The following MAGI2 variants were observed in gnomAD, a reference collection of about 807,000 sequenced individuals.
The protein encoded by MAGI2 is membrane-associated guanylate kinase, WW and PDZ domain-containing protein 2.
MAGI2 carries 35 observed loss-of-function variants against 133.3 expected under a neutral mutation model. That is an observed-to-expected ratio of 0.26 (90% CI 0.20 to 0.35). MAGI2 has a LOEUF of 0.35. Ranked by LOEUF, MAGI2 falls within the 10% of genes least tolerant of loss-of-function variation. The pLI, the probability that MAGI2 is intolerant of heterozygous loss-of-function variation, is 1.00. For synonymous variants in MAGI2, 729 were observed against 710.6 expected, an observed-to-expected ratio of 1.03 and a Z score of -0.41; for missense variants, 1,636 against 1,863.4, an observed-to-expected ratio of 0.88 and a Z score of 2.25.
intron 2 of MAGI2, among the ~76,000 whole-genome samples, chr7:78,864,269 A>T (rs1375634952): frequency 6.6e-6 from 1 of 152,202 alleles, no homozygotes; most frequent in Non-Finnish European, 1.5e-5. Flanking sequence ...AAATGGTTTA[A>T]TGTGGCATTA....
intron 1 of MAGI2, among the ~76,000 whole-genome samples, chr7:79,168,295 A>G (rs1825145754): frequency 6.6e-6 from 1 of 151,986 alleles, no homozygotes; most frequent in African/African-American, 2.4e-5. Flanking sequence ...TAGATTCTTC[A>G]GTAATCTTTG....
rs370907996 is a variant in MAGI2 at position 78,714,095 on chromosome 7, G to T, written c.419-86856C>A. Among the ~76,000 whole-genome samples, 152 of 117,970 alleles carry T rather than the reference G, an allele frequency of 1.3e-3. 4 individuals are homozygous for T. Among genetic ancestry groups the T allele is most frequent in the African/African-American group, 4.3e-3 (141 of 33,160 alleles). The allele number at this position is 117,970 out of a possible 152,430, so 77.4% of individuals were successfully genotyped here. Reference sequence around the variant, plus strand: ...GGGAAGAGGTGAAAGAAAGAGGGGGGAAGAGAATATACTTGTGTAAATATG... The same window carrying T: ...GGGAAGAGGTGAAAGAAAGAGGGGGTAAGAGAATATACTTGTGTAAATATG... On this transcript the variant is annotated intron_variant, in intron 2 of 21. Transcript: ENST00000354212.
intron 5 of MAGI2, 79 bp downstream of exon 5, chr7:78,501,498 T>TTTCCACG: frequency 8.0e-7 from 1 of 1,254,480 alleles, no homozygotes; most frequent in Admixed American, 2.2e-5. Flanking sequence ...TTTTTTTTTT[T>TTTCCACG]TCCACGTCTA....
At chr7:78,690,040 G>C (rs1382316686) in intron 2 of MAGI2, among the ~76,000 whole-genome samples, 1 of 152,078 alleles carries the variant, frequency 6.6e-6, no homozygotes, top group Non-Finnish European at 1.5e-5. Context: ...TTTTGCAAGA[G>C]TTATTAAATA....
At chr7:78,990,641 G>GA (rs1313521852) in intron 2 of MAGI2, among the ~76,000 whole-genome samples, 2 of 151,634 alleles carry the variant, frequency 1.3e-5, no homozygotes, top group African/African-American at 4.8e-5. Flanking sequence ...TCACTATTTT[G>GA]AAAAAAATAA....
chr7:78,955,008 A>C (rs1006551282), intron 2 of MAGI2, among the ~76,000 whole-genome samples: 2 of 152,090 alleles, frequency 1.3e-5, no homozygotes. Flanking sequence ...TAATATTGTA[A>C]TAGGAAAATG....
rs560491752 is a variant in MAGI2, at chr7:79,364,400, C to T, written c.301+88620G>A. Among the ~76,000 whole-genome samples, 3 of 151,990 alleles carry T rather than the reference C, an allele frequency of 2.0e-5. No individual in the cohort carries two copies. The South Asian group carries it at 6.2e-4, about 32-fold the overall frequency. On this transcript the variant is annotated intron_variant, in intron 1 of 21. Transcript: ENST00000354212. Reference sequence around the variant, plus strand: ...GAGGTAATACATATGTTAATTAGCTCAAATAAGTCATTGCACCAATGTGAT... The same window carrying T: ...GAGGTAATACATATGTTAATTAGCTTAAATAAGTCATTGCACCAATGTGAT...
intron 2 of MAGI2, among the ~76,000 whole-genome samples, chr7:78,657,054 G>A (rs1028582515): frequency 2.0e-5 from 3 of 150,282 alleles, no homozygotes; most frequent in African/African-American, 7.3e-5. Flanking sequence ...AGATACAGGA[G>A]ATGGCAAATA....
intron 4 of MAGI2, among the ~76,000 whole-genome samples, chr7:78,511,468 G>T (rs1383879218): frequency 6.7e-6 from 1 of 150,044 alleles, no homozygotes; most frequent in Admixed American, 6.6e-5. Flanking sequence ...AAAATGAGAA[G>T]AATTCTAATA....
chr7:79,016,010 GT>G (rs780501680), intron 1 of MAGI2, among the ~76,000 whole-genome samples: 1,514 of 95,478 alleles, frequency 0.016, no homozygotes, highest in African/African-American at 0.018. Flanking sequence ...GGGGGGGGGG[GT>G]GGGGGTTGAG....
At chr7:79,138,848 A>G (rs1364113414) in intron 1 of MAGI2, among the ~76,000 whole-genome samples, 2 of 152,134 alleles carry the variant, frequency 1.3e-5, no homozygotes, top group East Asian at 3.9e-4. Flanking sequence ...TACTAAAAAT[A>G]CAAAAAAATT....
intron 2 of MAGI2, among the ~76,000 whole-genome samples, chr7:78,770,627 G>A (rs1042829521): frequency 6.6e-6 from 1 of 152,180 alleles, no homozygotes; most frequent in African/African-American, 2.4e-5. Context: ...ACATCATGAT[G>A]GCTCTCCACT....
At chr7:78,959,967 G>T (rs1395223818) in intron 2 of MAGI2, among the ~76,000 whole-genome samples, 2 of 152,032 alleles carry the variant, frequency 1.3e-5, no homozygotes, top group Admixed American at 1.3e-4. Flanking sequence ...ATGTAACATG[G>T]CCTGCCTATG....
At chr7:78,167,083 C>T (rs1172961192) in intron 15 of MAGI2, among the ~76,000 whole-genome samples, 1 of 151,944 alleles carries the variant, frequency 6.6e-6, no homozygotes, top group Middle Eastern at 3.2e-3. Context: ...GCCGCTGGGG[C>T]AGAAGGTGAC....
chr7:79,419,945 G>C (rs1396073554), intron 1 of MAGI2, among the ~76,000 whole-genome samples: 1 of 151,996 alleles, frequency 6.6e-6, no homozygotes, highest in African/African-American at 2.4e-5. Flanking sequence ...TATACCTACA[G>C]GTTTACTGCA....
intron 14 of MAGI2, among the ~76,000 whole-genome samples, chr7:78,171,402 C>T (rs1826095512): frequency 6.6e-6 from 1 of 152,210 alleles, no homozygotes; most frequent in South Asian, 2.1e-4. Context: ...CTTATTAAAA[C>T]AGTTCTGGAC....
intron 12 of MAGI2, among the ~76,000 whole-genome samples, chr7:78,191,568 A>T (rs1034007353): frequency 3.3e-5 from 5 of 152,088 alleles, no homozygotes; most frequent in Non-Finnish European, 5.9e-5. Flanking sequence ...CGAGTGTTTC[A>T]TATATTCTTG....
chr7:78,263,615 G>A (rs903541542), intron 9 of MAGI2, among the ~76,000 whole-genome samples: 1 of 152,092 alleles, frequency 6.6e-6, no homozygotes, highest in Admixed American at 6.6e-5. Flanking sequence ...TTCTGGTCGG[G>A]ATTGGCTCAA....
intron 1 of MAGI2, among the ~76,000 whole-genome samples, chr7:79,364,106 C>G (rs954838316): frequency 4.0e-5 from 6 of 151,750 alleles, no homozygotes; most frequent in Admixed American, 3.3e-4. Context: ...GGTGAGGACA[C>G]AAAGAAAAGG....
Sources: gnomAD v4.1 joint callset for allele counts (sites outside exome capture counted in the v4.1 genomes callset) on GRCh38, gnomAD v4.1.1 for gene constraint, MANE v1.5 for transcripts, NCBI Gene and HGNC (gene_info 2026-07-23, HGNC 2026-07-21) for gene names.